PCDHGB6: variants seen among roughly 807,000 people sequenced by gnomAD.
PCDHGB6 encodes the protein protocadherin gamma-B6.
A neutral mutation model predicts 59.1 loss-of-function variants in PCDHGB6; 51 were observed. The observed-to-expected ratio is 0.86, with a 90% CI of 0.69 to 1.09. PCDHGB6 has a LOEUF of 1.09. Among genes scored for constraint, PCDHGB6 ranks in the 50% least tolerant of loss-of-function variants. PCDHGB6 has a pLI of 0.00. For missense variants in PCDHGB6, 1,148 were observed against 1,205.1 expected, an observed-to-expected ratio of 0.95 and a Z score of 0.70; for synonymous variants, 466 against 495.1, an observed-to-expected ratio of 0.94 and a Z score of 0.78.
intron 1 of PCDHGB6, chr5:141,492,027 A>T (rs1157170828): frequency 8.8e-6 from 5 of 565,466 alleles, no homozygotes; most frequent in African/African-American, 7.7e-5. Flanking sequence ...GGGTCCCGGG[A>T]GGAGGCAGTC....
intron 2 of PCDHGB6, among the ~76,000 whole-genome samples, chr5:141,497,859 G>A (rs188372194): frequency 2.0e-4 from 31 of 152,134 alleles, no homozygotes; most frequent in Middle Eastern, 6.8e-3. Context: ...TTGATTCAGC[G>A]GCTCCAAAGT....
chr5:141,477,630 T>G lies in PCDHGB6; in HGVS notation c.2419-17177T>G. The G allele has an allele frequency of 6.2e-7, 1 of 1,614,228 alleles. No homozygotes were observed. The highest frequency in any genetic ancestry group is 8.5e-7 in the Non-Finnish European group (1 of 1,180,042). ...TTGGAGCAAGGAGCTGAAACCGGGC[T>G]AGTGGGTCGCTATTTCACAATAAAT... On this transcript the variant is annotated intron_variant, in intron 1 of 3. Coordinates refer to ENST00000520790, the MANE Select transcript of PCDHGB6 (RefSeq NM_018926.3). The surrounding 1 kb of genome is among the most constrained non-coding windows in gnomAD (Gnocchi z 4.9).
At chr5:141,435,446 G>C (rs889481920) in intron 1 of PCDHGB6, among the ~76,000 whole-genome samples, 5 of 152,060 alleles carry the variant, frequency 3.3e-5, no homozygotes, top group African/African-American at 2.4e-5. Context: ...TCATTAATAC[G>C]ATATCTGTAT....
chr5:141,467,095 C>G (rs930625426), intron 1 of PCDHGB6, among the ~76,000 whole-genome samples: 2 of 150,094 alleles, frequency 1.3e-5, no homozygotes, highest in African/African-American at 4.9e-5. Context: ...CTCTGTCACA[C>G]AGGCTGGAGT....
In PCDHGB6 at chr5:141,435,189, G is replaced by A. The variant is rs569176993; in HGVS notation, c.2418+24569G>A. Among the ~76,000 whole-genome samples the A allele has an allele frequency of 5.3e-5, 8 of 152,166 alleles. No homozygotes were observed. The South Asian group carries it at 8.3e-4, about 16-fold the overall frequency. On this transcript the variant is annotated intron_variant, in intron 1 of 3. Coordinates refer to ENST00000520790, the MANE Select transcript of PCDHGB6 (RefSeq NM_018926.3). ...GTGGCTTTTAACTACACTTGAGATGGCTAGCAAATTCATAAAGTGAATTTA... is the reference window on the plus strand; with the variant it reads ...GTGGCTTTTAACTACACTTGAGATGACTAGCAAATTCATAAAGTGAATTTA...
In PCDHGB6 at chr5:141,491,667, G is replaced by C. The variant is rs746903142; in HGVS notation, c.2419-3140G>C. The C allele has an allele frequency of 3.7e-6, 6 of 1,613,678 alleles. No individual in the cohort carries two copies. The South Asian group carries it at 6.6e-5, about 18-fold the overall frequency. On this transcript the variant is annotated intron_variant, in intron 1 of 3. Transcript: ENST00000520790. This position sits in a 1 kb window ranked among gnomAD's most constrained non-coding sequence, Gnocchi z 6.9. Reference sequence around the variant, plus strand: ...TGGCGCTGGAGCCTGACGCCATCCGGTCCCGCTCTAATACGCTGCGGGAGC... The same window carrying C: ...TGGCGCTGGAGCCTGACGCCATCCGCTCCCGCTCTAATACGCTGCGGGAGC...
chr5:141,501,544 G>T (rs1297191346), intron 2 of PCDHGB6, among the ~76,000 whole-genome samples: 3 of 151,962 alleles, frequency 2.0e-5, no homozygotes, highest in African/African-American at 7.3e-5. Flanking sequence ...TTGTGCATAA[G>T]ATCATAGGCC....
intron 1 of PCDHGB6, chr5:141,421,816 C>T (rs981400135): frequency 1.2e-5 from 19 of 1,613,696 alleles, no homozygotes; most frequent in Non-Finnish European, 1.4e-5. Context: ...AGAGCTAGTA[C>T]TGGAGGGAAG....
intron 2 of PCDHGB6, among the ~76,000 whole-genome samples, chr5:141,496,486 C>T (rs186488143): frequency 1.3e-5 from 2 of 152,322 alleles, no homozygotes; most frequent in East Asian, 3.9e-4. Flanking sequence ...CTGCAACCAA[C>T]CAAACCCTTG....
At chr5:141,413,650 C>T (rs1384444202) in intron 1 of PCDHGB6, 2 of 1,613,714 alleles carry the variant, frequency 1.2e-6, no homozygotes, top group Non-Finnish European at 1.7e-6. Flanking sequence ...TTTTCCTCTC[C>T]CGGAAGCTAT....
chr5:141,471,972 T>C (rs952480654), intron 1 of PCDHGB6, among the ~76,000 whole-genome samples: 1 of 152,212 alleles, frequency 6.6e-6, no homozygotes, highest in South Asian at 2.1e-4. Context: ...GTTGCATTAC[T>C]GTATAAATTT....
intron 1 of PCDHGB6, chr5:141,415,045 G>C: frequency 6.2e-7 from 1 of 1,613,538 alleles, no homozygotes; most frequent in Non-Finnish European, 8.5e-7. Flanking sequence ...CTTCGCGGTG[G>C]GGGAGCACAC....
At chr5:141,479,740 C>T (rs1434967266) in intron 1 of PCDHGB6, 1 of 152,168 alleles carries the variant, frequency 6.6e-6, no homozygotes, top group Non-Finnish European at 1.5e-5. Context: ...AGTATATGCA[C>T]AATGTGAAAG....
rs1374094845 is a variant in PCDHGB6, at chr5:141,476,576, T to A, written c.2419-18231T>A. On this transcript the variant is annotated intron_variant, in intron 1 of 3. Coordinates refer to ENST00000520790, the MANE Select transcript of PCDHGB6 (RefSeq NM_018926.3). The surrounding 1 kb of genome is among the most constrained non-coding windows in gnomAD (Gnocchi z 7.6). Reference sequence around the variant, plus strand: ...CGAGGCCGTGGCTCCGGGGACGCGCTTTCCGCTCGAGAGCGCGCACGATCC... The same window carrying A: ...CGAGGCCGTGGCTCCGGGGACGCGCATTCCGCTCGAGAGCGCGCACGATCC... 3 of 1,614,102 alleles carry A rather than the reference T, an allele frequency of 1.9e-6. No individual in the cohort carries two copies. Among genetic ancestry groups the A allele is most frequent in the Middle Eastern group, 1.6e-4 (1 of 6,084 alleles).
chr5:141,481,679 C>T (rs2099541734), intron 1 of PCDHGB6, among the ~76,000 whole-genome samples: 1 of 151,948 alleles, frequency 6.6e-6, no homozygotes, highest in Non-Finnish European at 1.5e-5. Context: ...TCAGGCCGGG[C>T]CTGGTGGCTC....
At chr5:141,481,811 G>A (rs1050821120) in intron 1 of PCDHGB6, among the ~76,000 whole-genome samples, 1 of 151,892 alleles carries the variant, frequency 6.6e-6, no homozygotes. Context: ...AATTCACCAG[G>A]CGTGGTGGCT....
intron 1 of PCDHGB6, among the ~76,000 whole-genome samples, chr5:141,469,103 C>G (rs949254605): frequency 6.6e-6 from 1 of 151,844 alleles, no homozygotes; most frequent in Non-Finnish European, 1.5e-5. Flanking sequence ...AAAGCAAGAA[C>G]CTGTCTCTAA....
At position 141,409,129 on chromosome 5, in the gene PCDHGB6, T is replaced by G. The variant is rs781711972; in HGVS notation, c.927T>G (p.Phe309Leu). Reference sequence around the variant, plus strand: ...TTAAGAATAACCAGTCATTTGATTTTGAAGATGTAGAAAGGTACACCATGG... The same window carrying G: ...TTAAGAATAACCAGTCATTTGATTTGGAAGATGTAGAAAGGTACACCATGG... ...GMIKNNQSFD[F>L]EDVERYTMEV... Residue 309 changes from phenylalanine (F) to leucine (L), a missense_variant, in exon 1 of 4, where the codon TTT (phenylalanine) becomes TTG (leucine). Coordinates refer to ENST00000520790, the MANE Select transcript of PCDHGB6 (RefSeq NM_018926.3). 5 of 1,613,856 alleles carry G rather than the reference T, an allele frequency of 3.1e-6. No homozygotes were observed. The highest frequency in any genetic ancestry group is 4.2e-6 in the Non-Finnish European group (5 of 1,179,886).
At chr5:141,497,020 C>T (rs138768677) in intron 2 of PCDHGB6, among the ~76,000 whole-genome samples, 8 of 152,122 alleles carry the variant, frequency 5.3e-5, no homozygotes, top group African/African-American at 1.7e-4. Flanking sequence ...GAAACCCCAT[C>T]TCGATTAAAA....
Sources: allele counts gnomAD v4.1 joint callset (sites outside exome capture counted in the v4.1 genomes callset), GRCh38; gene constraint gnomAD v4.1.1; non-coding constraint Gnocchi (gnomAD v3.1); transcripts MANE v1.5; gene names NCBI Gene and HGNC (gene_info 2026-07-23, HGNC 2026-07-21).